Variants in MELK observed in about 807,000 individuals in gnomAD.
MELK encodes maternal embryonic leucine zipper kinase, also known as pEg3 kinase.
In MELK, 81 loss-of-function variants were observed where a neutral mutation model predicts 85.0. The ratio of observed to expected loss-of-function variants is 0.95; its 90% confidence interval spans 0.80 to 1.15. MELK has a LOEUF of 1.15. Among genes scored for constraint, MELK ranks in the 50% most tolerant of loss-of-function variants. The pLI, the probability that MELK is intolerant of heterozygous loss-of-function variation, is 0.00. For missense variants in MELK, 754 were observed against 777.5 expected, an observed-to-expected ratio of 0.97 and a Z score of 0.36; for synonymous variants, 252 against 265.0, an observed-to-expected ratio of 0.95 and a Z score of 0.48.
intron 8 of MELK, among the ~76,000 whole-genome samples, chr9:36,629,716 A>G (rs1328426114): frequency 6.6e-6 from 1 of 152,170 alleles, no homozygotes; most frequent in Non-Finnish European, 1.5e-5. Context: ...ACAGATTCCA[A>G]AGCTGTATGA....
At chr9:36,652,872 T>C (rs1830850338) in intron 12 of MELK, among the ~76,000 whole-genome samples, 1 of 152,180 alleles carries the variant, frequency 6.6e-6, no homozygotes, top group African/African-American at 2.4e-5. Context: ...AGCATACTTT[T>C]ACACGCATTC....
chr9:36,655,456 GAGAGA>G, intron 12 of MELK, among the ~76,000 whole-genome samples: 1 of 13,186 alleles, frequency 7.6e-5, no homozygotes, highest in Non-Finnish European at 7.9e-4. Context: ...AGTAGGGGGA[GAGAGA>G]GAGAGAGAGA....
chr9:36,595,942 A>T (rs1269348599), intron 5 of MELK, among the ~76,000 whole-genome samples: 3 of 151,840 alleles, frequency 2.0e-5, no homozygotes, highest in Non-Finnish European at 2.9e-5. Context: ...TAGCCTCCTG[A>T]GTAGCTGGAA....
intron 14 of MELK, among the ~76,000 whole-genome samples, chr9:36,668,181 T>A (rs1001356283): frequency 6.6e-6 from 1 of 152,214 alleles, no homozygotes; most frequent in African/African-American, 2.4e-5. Flanking sequence ...TTCTGTATGG[T>A]GATAGATACT....
chr9:36,621,296 A>C (rs963513910), intron 8 of MELK, among the ~76,000 whole-genome samples: 3 of 117,576 alleles, frequency 2.6e-5, no homozygotes, highest in Non-Finnish European at 4.9e-5. Context: ...AAAAAAAAAA[A>C]AAAAAAAAAA....
At chr9:36,644,240 TGTGTG>T (rs1830030368) in intron 11 of MELK, among the ~76,000 whole-genome samples, 1 of 149,356 alleles carries the variant, frequency 6.7e-6, no homozygotes, top group Non-Finnish European at 1.5e-5. Context: ...TGTGTGTGTG[TGTGTG>T]TGTGTGTTTT....
At chr9:36,632,727 T>C (rs1372321412) in intron 9 of MELK, among the ~76,000 whole-genome samples, 2 of 152,248 alleles carry the variant, frequency 1.3e-5, no homozygotes, top group South Asian at 2.1e-4. Flanking sequence ...GAGGTAGAGA[T>C]TGCATATTCA....
At chr9:36,603,708 C>G (rs571708578) in intron 7 of MELK, among the ~76,000 whole-genome samples, 1 of 152,048 alleles carries the variant, frequency 6.6e-6, no homozygotes, top group East Asian at 1.9e-4. Context: ...TGCTGGGAGC[C>G]AGTTATTTTT....
intron 4 of MELK, among the ~76,000 whole-genome samples, chr9:36,591,349 G>T (rs1197042715): frequency 1.3e-5 from 2 of 152,188 alleles, no homozygotes; most frequent in African/African-American, 4.8e-5. Context: ...AAGGCTGGTG[G>T]ATTATTTGAG....
intron 8 of MELK, among the ~76,000 whole-genome samples, chr9:36,615,513 C>A (rs1490675378): frequency 7.1e-6 from 1 of 139,972 alleles, no homozygotes; most frequent in Non-Finnish European, 1.6e-5. Context: ...CACCTCCCTC[C>A]CGGACGGGGT....
intron 10 of MELK, among the ~76,000 whole-genome samples, chr9:36,639,769 C>T (rs1430154418): frequency 6.6e-6 from 1 of 152,196 alleles, no homozygotes; most frequent in Non-Finnish European, 1.5e-5. Flanking sequence ...CCTCCTTCTT[C>T]CATCTCCTGC....
chr9:36,587,382 T>C (rs1823023025), intron 3 of MELK, among the ~76,000 whole-genome samples: 1 of 151,886 alleles, frequency 6.6e-6, no homozygotes, highest in Non-Finnish European at 1.5e-5. Context: ...AGGGGTGTGA[T>C]CTCAGCTCAC....
chr9:36,610,585 A>G (rs1206433598), intron 8 of MELK, among the ~76,000 whole-genome samples: 1 of 152,162 alleles, frequency 6.6e-6, no homozygotes, highest in African/African-American at 2.4e-5. Flanking sequence ...TGTAGCCAAG[A>G]CAGCTTGTTT....
At chr9:36,586,220 G>A (rs897443629) in intron 3 of MELK, among the ~76,000 whole-genome samples, 6 of 152,022 alleles carry the variant, frequency 3.9e-5, no homozygotes. Flanking sequence ...GTACACACCT[G>A]TAGTCCCAGC....
chr9:36,672,476 T>C (rs1218644685), intron 16 of MELK, among the ~76,000 whole-genome samples: 3 of 152,180 alleles, frequency 2.0e-5, no homozygotes, highest in Non-Finnish European at 4.4e-5. Flanking sequence ...TATGTAAATA[T>C]TTTGGAACCT....
intron 11 of MELK, among the ~76,000 whole-genome samples, 174 bp from the exon 12 acceptor site, chr9:36,651,572 T>C (rs532033145): frequency 6.6e-6 from 1 of 152,230 alleles, no homozygotes; most frequent in East Asian, 1.9e-4. Context: ...GGAGTGGAAA[T>C]TGTATGTGTG....
intron 7 of MELK, among the ~76,000 whole-genome samples, chr9:36,602,538 T>C (rs978266063): frequency 6.8e-6 from 1 of 148,114 alleles, no homozygotes; most frequent in Non-Finnish European, 1.5e-5. Flanking sequence ...CCTTTAATAA[T>C]TTTCAATTAA....
At chr9:36,604,523 G>T (rs56092272) in intron 7 of MELK, among the ~76,000 whole-genome samples, 14,737 of 151,608 alleles carry the variant, frequency 0.097, 747 homozygotes, top group Middle Eastern at 0.15. Flanking sequence ...TTGAGTGGGA[G>T]TGGAAGGACT....
chr9:36,672,994 T>TAA (rs944421237), intron 16 of MELK, among the ~76,000 whole-genome samples: 3 of 152,196 alleles, frequency 2.0e-5, no homozygotes, highest in African/African-American at 7.2e-5. Flanking sequence ...AATACTGTAC[T>TAA]AAAAACTATA....
Sources: gnomAD v4.1 joint callset for allele counts (sites outside exome capture counted in the v4.1 genomes callset) on GRCh38, gnomAD v4.1.1 for gene constraint, MANE v1.5 for transcripts, NCBI Gene and HGNC (gene_info 2026-07-23, HGNC 2026-07-21) for gene names.